The following IGF2R variants were observed in gnomAD, a reference collection of about 807,000 sequenced individuals.
The protein encoded by IGF2R is cation-independent mannose-6-phosphate receptor.
Under a neutral mutation model 270.6 loss-of-function variants are expected in IGF2R, and 91 were observed. The ratio of observed to expected loss-of-function variants is 0.34; its 90% CI spans 0.28 to 0.40. The LOEUF (loss-of-function observed/expected upper bound fraction) is 0.40, where lower values mean the gene tolerates loss of function less well. IGF2R is among the 10% of genes least tolerant of loss of function. IGF2R has a pLI of 1.00. For missense variants in IGF2R, 2,805 were observed against 3,188.3 expected, an observed-to-expected ratio of 0.88 and a Z score of 2.90; for synonymous variants, 1,316 against 1,258.9, an observed-to-expected ratio of 1.05 and a Z score of -0.96.
intron 44 of IGF2R, among the ~76,000 whole-genome samples, chr6:160,092,044 C>T (rs572828263): frequency 8.4e-4 from 128 of 152,270 alleles, no homozygotes; most frequent in Middle Eastern, 3.4e-3. Context: ...CTTCTAGTGC[C>T]CCTCCTGGGA....
At chr6:160,046,735 A>C in intron 15 of IGF2R, 90 bp downstream of exon 15, 40 of 1,352,508 alleles carry the variant, frequency 3.0e-5, no homozygotes, top group Non-Finnish European at 3.7e-5. Context: ...ACTTAATGTC[A>C]TTGCTTTATG....
chr6:160,062,847 G>C (rs969113935), intron 26 of IGF2R, among the ~76,000 whole-genome samples: 1 of 151,632 alleles, frequency 6.6e-6, no homozygotes, highest in Non-Finnish European at 1.5e-5. Context: ...GGATTTTGGC[G>C]TCTGATGCTT....
chr6:160,024,628 C>G lies in IGF2R; in HGVS notation c.570C>G (p.Ile190Met), dbSNP rs1165674251. The G allele has an allele frequency of 1.2e-6, 2 of 1,614,016 alleles. No homozygotes were observed. The highest frequency in any genetic ancestry group is 2.2e-5 in the South Asian group (2 of 91,082). Residue 190 changes from isoleucine to methionine, a missense_variant, in exon 5 of 48, where the codon ATC becomes ATG. Coordinates refer to ENST00000356956, the MANE Select transcript of IGF2R (RefSeq NM_000876.4). ...GGAAGCATGATCTCAATCCTCTGAT[C>G]AAGCTTAGTGGTGCCTACTTGGTGG... ...ELRKHDLNPL[I>M]KLSGAYLVDD... is the part of the protein sequence containing the mutation.
At chr6:160,031,223 T>G (rs1281846306) in intron 7 of IGF2R, among the ~76,000 whole-genome samples, 1 of 152,238 alleles carries the variant, frequency 6.6e-6, no homozygotes, top group Admixed American at 6.5e-5. Flanking sequence ...GGAGGTTTGT[T>G]TAAGCATTTA....
Position 160,073,469 on chromosome 6 carries a change from G to T in IGF2R, c.4947G>T (p.Ala1649=). 1 of 1,614,066 alleles carries T rather than the reference G, an allele frequency of 6.2e-7. No homozygotes were observed. ...SWHTPLACEQ[A]TECSVRNGSS... The stretch of plus-strand genomic sequence containing the variant: ...ACACGCCGCTGGCCTGCGAGCAAGC[G>T]GTGAGTTTTCAGATGGGCACGGGAG... The change falls in exon 34 of 48, where the codon GCG becomes GCT. Residue 1649 remains alanine, a splice_region_variant and synonymous_variant. Transcript: ENST00000356956.
chr6:160,046,770 C>G lies in IGF2R; in HGVS notation c.2051+125C>G. On this transcript the variant is annotated intron_variant, in intron 15 of 47. Coordinates refer to ENST00000356956, the MANE Select transcript of IGF2R (RefSeq NM_000876.4). ...GACAAGCATTTAAATACTGATGAGACCTGGTCTGAAAACTGAAGGATGTTA... is the reference window on the plus strand; with the variant it reads ...GACAAGCATTTAAATACTGATGAGAGCTGGTCTGAAAACTGAAGGATGTTA... 4 of 1,044,772 alleles carry G rather than the reference C, an allele frequency of 3.8e-6. No individual in the cohort carries two copies. The South Asian group carries it at 6.0e-5, about 16-fold the overall frequency. 64.7% of individuals were successfully genotyped at this position (1,044,772 alleles called of 1,614,324 possible). A position where few individuals can be genotyped will look rare whatever the true frequency, so the allele number is the denominator to read the frequency against.
chr6:160,068,687 TGA>T (rs1219011011), intron 30 of IGF2R, among the ~76,000 whole-genome samples: 3 of 151,592 alleles, frequency 2.0e-5, no homozygotes, highest in Non-Finnish European at 2.9e-5. Flanking sequence ...CTGGCACTGG[TGA>T]GAGAGGGCCT....
intron 2 of IGF2R, chr6:160,005,801 C>G (rs1196749689): frequency 6.7e-6 from 1 of 149,736 alleles, no homozygotes; most frequent in Non-Finnish European, 1.5e-5. Context: ...TCGAGCCTCC[C>G]TGGGTCCCCT....
intron 35 of IGF2R, among the ~76,000 whole-genome samples, chr6:160,075,300 G>A (rs1361040532): frequency 6.6e-6 from 1 of 152,120 alleles, no homozygotes; most frequent in African/African-American, 2.4e-5. Flanking sequence ...TGTGTGCCAG[G>A]TGCTGTGCTA....
rs75169085 is a variant in IGF2R at position 160,094,220 on chromosome 6, A to G, written c.6656-2219A>G. 1.9e-3 allele frequency: 639 copies of G among 337,062 alleles called. 6 individuals are homozygous for G. Among genetic ancestry groups the G allele is most frequent in the African/African-American group, 0.013 (602 of 46,794 alleles). 20.9% of individuals were successfully genotyped at this position (337,062 alleles called of 1,614,324 possible). On this transcript the variant is annotated intron_variant, in intron 44 of 47. Coordinates refer to ENST00000356956, the MANE Select transcript of IGF2R (RefSeq NM_000876.4). ...CCCAGTCTATTTCTTCTCAGTATCC[A>G]TTCGCCAGTTCTTCATTTATAAATA...
intron 1 of IGF2R, among the ~76,000 whole-genome samples, chr6:159,984,786 T>A (rs1313236259): frequency 6.6e-6 from 1 of 152,204 alleles, no homozygotes; most frequent in Non-Finnish European, 1.5e-5. Context: ...CATCAGCAGT[T>A]ACACTTCCTG....
rs1779591862 is a variant in IGF2R, at chr6:160,105,376, CAG to C, written c.*295_*296del. 1 of 305,486 alleles carries C rather than the reference CAG, an allele frequency of 3.3e-6. No homozygotes were observed. Among genetic ancestry groups the C allele is most frequent in the Admixed American group, 4.5e-5 (1 of 22,018 alleles). 18.9% of individuals were successfully genotyped at this position (305,486 alleles called of 1,614,324 possible). A position where few individuals can be genotyped will look rare whatever the true frequency, so the allele number is the denominator to read the frequency against. On this transcript the variant is annotated 3_prime_UTR_variant, in exon 48 of 48. Transcript: ENST00000356956. ...GCATAAGGCCGGACGCATCTCAAAA[CAG>C]AGGGCTGCATTCGAAGAAACCCTTG...
At position 160,047,261 on chromosome 6, in the gene IGF2R, A is replaced by G; in HGVS notation, c.2154A>G (p.Glu718=). Residue 718 remains glutamate (E), a synonymous_variant, in exon 16 of 48, where the codon GAA becomes GAG. Transcript: ENST00000356956. ...NYRGGTPYNN[E]RHTPRATLIT... The stretch of plus-strand genomic sequence containing the variant: ...GAGGCGGCACACCCTATAACAATGA[A>G]AGACACACACCGAGAGCTACGCTCA... 6.2e-7 allele frequency: 1 copy of G among 1,613,500 alleles called. No homozygotes were observed. Among genetic ancestry groups the G allele is most frequent in the East Asian group, 2.2e-5 (1 of 44,874 alleles).
At chr6:160,010,878 C>CG in intron 4 of IGF2R, 93 bp downstream of exon 4, 1 of 690,198 alleles carries the variant, frequency 1.4e-6, no homozygotes, top group Non-Finnish European at 2.5e-6. Context: ...GGGTGAAAAT[C>CG]TTTTTTAGCT....
At chr6:160,086,486 T>TA (rs1180819466) in intron 41 of IGF2R, among the ~76,000 whole-genome samples, 2 of 152,282 alleles carry the variant, frequency 1.3e-5, no homozygotes, top group Non-Finnish European at 2.9e-5. Context: ...AATATATGTT[T>TA]AATCCCCATC....
chr6:160,046,236 G>A (rs9347384), intron 14 of IGF2R, among the ~76,000 whole-genome samples: 1 of 152,174 alleles, frequency 6.6e-6, no homozygotes, highest in African/African-American at 2.4e-5. Flanking sequence ...TTGTTTATTA[G>A]CCCAGCAGTT....
At chr6:160,091,963 C>G (rs755775950) in intron 44 of IGF2R, among the ~76,000 whole-genome samples, 2 of 152,254 alleles carry the variant, frequency 1.3e-5, no homozygotes, top group African/African-American at 4.8e-5. Flanking sequence ...ACCCTGTAAC[C>G]TGGTGGGTTT....
At position 160,081,119 on chromosome 6, in the gene IGF2R, C is replaced by T. The variant is rs12523796; in HGVS notation, c.5833+844C>T. Among the ~76,000 whole-genome samples the T allele has an allele frequency of 5.5e-3, 710 of 129,872 alleles. 3 individuals are homozygous for T. The highest frequency in any genetic ancestry group is 0.023 in the Middle Eastern group (6 of 258). The allele number at this position is 129,872 out of a possible 152,430, so 85.2% of individuals were successfully genotyped here. A position where few individuals can be genotyped will look rare whatever the true frequency, so the allele number is the denominator to read the frequency against. ...CCAGCCTGGGTGACAGAGTGAGACT[C>T]GGTCTCAAAAAAAAAAAAAAGAAAA... On this transcript the variant is annotated intron_variant, in intron 39 of 47. Coordinates refer to ENST00000356956, the MANE Select transcript of IGF2R (RefSeq NM_000876.4).
chr6:160,086,093 G>A (rs141713075), intron 41 of IGF2R, among the ~76,000 whole-genome samples: 1 of 152,194 alleles, frequency 6.6e-6, no homozygotes, highest in Non-Finnish European at 1.5e-5. Context: ...AACACTTAAG[G>A]CTTCCTAAAA....
Sources: gnomAD v4.1 joint callset for allele counts (sites outside exome capture counted in the v4.1 genomes callset) on GRCh38, gnomAD v4.1.1 for gene constraint, MANE v1.5 for transcripts, NCBI Gene and HGNC (gene_info 2026-07-23, HGNC 2026-07-21) for gene names.